The following ARFGEF3 variants were observed in gnomAD, a reference collection of about 807,000 sequenced individuals.
ARFGEF3 encodes the protein brefeldin A-inhibited guanine nucleotide-exchange protein 3.
ARFGEF3 carries 96 observed loss-of-function variants against 221.7 expected under a neutral mutation model. The ratio of observed to expected loss-of-function variants is 0.43; its 90% CI spans 0.37 to 0.51. ARFGEF3 has a LOEUF of 0.51. Among genes scored for constraint, ARFGEF3 ranks in the 20% least tolerant of loss-of-function variants. The pLI is 0.00. For missense variants in ARFGEF3, 2,410 were observed against 2,789.9 expected (o/e 0.86, Z 3.07); for synonymous variants, 1,145 against 1,126.8 (o/e 1.02, Z -0.32).
intron 12 of ARFGEF3, among the ~76,000 whole-genome samples, chr6:138,265,792 G>T (rs1209566471): frequency 6.6e-6 from 1 of 152,052 alleles, no homozygotes; most frequent in African/African-American, 2.4e-5. Context: ...TTGTACTTCG[G>T]TCTCTCTCTC....
rs560912931 is a variant in ARFGEF3 at position 138,254,127 on chromosome 6, G to A, written c.770+143G>A. 61 of 579,228 alleles carry A rather than the reference G, an allele frequency of 1.1e-4. 1 individual carries two copies. Among genetic ancestry groups the A allele is most frequent in the South Asian group, 5.1e-5 (2 of 38,958 alleles). The allele number at this position is 579,228 out of a possible 1,614,324, so 35.9% of individuals were successfully genotyped here. ...GTAAATGTCTTAGAGGGAAAGCAGG[G>A]AAATTGTGGCCAGGTGCAGTTGTTC... On this transcript the variant is annotated intron_variant, in intron 9 of 33. Coordinates refer to ENST00000251691, the MANE Select transcript of ARFGEF3 (RefSeq NM_020340.5).
At chr6:138,194,251 GA>G (rs1453665536) in intron 2 of ARFGEF3, among the ~76,000 whole-genome samples, 8 of 146,668 alleles carry the variant, frequency 5.5e-5, no homozygotes, top group African/African-American at 2.0e-4. Context: ...CTGGGTGACA[GA>G]GCAAGACTCC....
At chr6:138,236,081 T>A (rs569759835) in intron 5 of ARFGEF3, among the ~76,000 whole-genome samples, 1 of 152,324 alleles carries the variant, frequency 6.6e-6, no homozygotes, top group Admixed American at 6.5e-5. Flanking sequence ...TTATATAAAA[T>A]CCAGTTCCTC....
intron 28 of ARFGEF3, among the ~76,000 whole-genome samples, chr6:138,320,662 T>G (rs1780006939): frequency 6.6e-6 from 1 of 152,212 alleles, no homozygotes; most frequent in African/African-American, 2.4e-5. Context: ...AAAGAAACTG[T>G]GTCTCTATTA....
At chr6:138,324,296 A>AC (rs1780091268) in intron 31 of ARFGEF3, 142 bp downstream of exon 31, 1 of 939,840 alleles carries the variant, frequency 1.1e-6, no homozygotes, top group African/African-American at 1.7e-5. Flanking sequence ...TCTTGCCACT[A>AC]CCATTCTTTG....
chr6:138,217,937 T>G (rs928026651), intron 4 of ARFGEF3: 3 of 1,539,988 alleles, frequency 1.9e-6, no homozygotes, highest in South Asian at 2.6e-5. Flanking sequence ...CAGAATTGCC[T>G]TTTCAACCAT....
chr6:138,309,422 T>C lies in ARFGEF3; in HGVS notation c.4096+561T>C, dbSNP rs139371372. On this transcript the variant is annotated intron_variant, in intron 24 of 33. Coordinates refer to ENST00000251691, the MANE Select transcript of ARFGEF3 (RefSeq NM_020340.5). ...AGGCTTTCAAGAAGGGGGACTTCTA[T>C]ACTTAGAAAATATATTTTATAATTA... Among the ~76,000 whole-genome samples, 78 of 152,330 alleles carry C rather than the reference T, an allele frequency of 5.1e-4. 1 individual carries two copies. Among genetic ancestry groups the C allele is most frequent in the African/African-American group, 1.8e-3 (76 of 41,574 alleles).
Position 138,263,263 on chromosome 6 carries a change from A to G in ARFGEF3, c.1780A>G (p.Ser594Gly), listed in dbSNP as rs768441417. ...TRSYGSRYSE[S>G]NFSVDDQDLS... ...GTCCTATGGATCTAGGTATAGTGAG[A>G]GCAATTTTAGCGTTGATGACCAAGA... Residue 594 changes from serine (S) to glycine (G), a missense_variant, in exon 12 of 34, where the codon AGC becomes GGC. Ser to Gly is a moderately conservative substitution (Grantham distance 56). Around this residue, in one of 5 missense-constraint regions of ARFGEF3, gnomAD observed 594 missense variants for 734.3 expected, o/e 0.81. Coordinates refer to ENST00000251691, the MANE Select transcript of ARFGEF3 (RefSeq NM_020340.5). 1.2e-6 allele frequency: 2 copies of G among 1,613,992 alleles called. No homozygotes were observed. Among genetic ancestry groups the G allele is most frequent in the Non-Finnish European group, 8.5e-7 (1 of 1,179,890 alleles).
rs773240161 is a variant in ARFGEF3 at position 138,262,922 on chromosome 6, G to T, written c.1439G>T (p.Arg480Leu). ...ATGGAGATCAATGAGGCTGACTTCCGCTGGCAGCGGCGAGTGCTGTCCTCA... is the reference window on the plus strand; with the variant it reads ...ATGGAGATCAATGAGGCTGACTTCCTCTGGCAGCGGCGAGTGCTGTCCTCA... ...DSMEINEADF[R>L]WQRRVLSSEH... The change falls in exon 12 of 34, where the codon CGC (arginine) becomes CTC (leucine). Residue 480 changes from arginine to leucine, a missense_variant. By Grantham distance (102) the Arg-to-Leu change is moderately radical. Around this residue, in one of 5 missense-constraint regions of ARFGEF3, gnomAD observed 594 missense variants for 734.3 expected, o/e 0.81. Coordinates refer to ENST00000251691, the MANE Select transcript of ARFGEF3 (RefSeq NM_020340.5). 3 of 1,607,696 alleles carry T rather than the reference G, an allele frequency of 1.9e-6. No individual in the cohort carries two copies. Among genetic ancestry groups the T allele is most frequent in the South Asian group, 1.1e-5 (1 of 90,276 alleles).
Position 138,263,328 on chromosome 6 carries a change from T to C in ARFGEF3, c.1845T>C (p.Ser615=). The C allele has an allele frequency of 6.2e-7, 1 of 1,613,992 alleles. No homozygotes were observed. The highest frequency in any genetic ancestry group is 8.5e-7 in the Non-Finnish European group (1 of 1,179,896). The change falls in exon 12 of 34, where the codon TCT becomes TCC. Residue 615 remains serine, a synonymous_variant. Transcript: ENST00000251691. Reference sequence around the variant, plus strand: ...AGTTTGATTCCTGTGATCAGTACTCTATGGCAGCAGAAAAGGACTCGGGCA... The same window carrying C: ...AGTTTGATTCCTGTGATCAGTACTCCATGGCAGCAGAAAAGGACTCGGGCA... The part of the protein sequence containing the change: ...RTEFDSCDQY[S]MAAEKDSGRS...
intron 4 of ARFGEF3, among the ~76,000 whole-genome samples, chr6:138,214,749 T>C (rs1338501394): frequency 3.3e-5 from 5 of 152,272 alleles, no homozygotes; most frequent in East Asian, 1.9e-4. Context: ...ATTCCAAGGA[T>C]AGTATTCTCA....
chr6:138,195,272 A>G lies in ARFGEF3; in HGVS notation c.138-11770A>G, dbSNP rs1326216196. ...GCCCTCCTCGGCCTCCCAAAGTGCC[A>G]GGATTACAGGTGTGAGCCACCGCAC... On this transcript the variant is annotated intron_variant, in intron 2 of 33. Transcript: ENST00000251691. Among the ~76,000 whole-genome samples the G allele has an allele frequency of 1.1e-4, 16 of 152,144 alleles. No individual in the cohort carries two copies. The East Asian group carries it at 3.1e-3, about 29-fold the overall frequency.
chr6:138,215,042 T>C (rs144189895), intron 4 of ARFGEF3, among the ~76,000 whole-genome samples: 14 of 152,370 alleles, frequency 9.2e-5, no homozygotes, highest in African/African-American at 3.4e-4. Flanking sequence ...CTATTGAATA[T>C]TTAGGTTAAA....
chr6:138,216,002 G>A (rs942931647), intron 4 of ARFGEF3: 4 of 151,274 alleles, frequency 2.6e-5, no homozygotes, highest in African/African-American at 9.7e-5. Flanking sequence ...GGGTGGGGGG[G>A]AGTTTTACTC....
Position 138,324,155 on chromosome 6 carries a change from G to A in ARFGEF3, c.5001+1G>A. ...GCGCATCCGAGCCATGGCCCAGCAG[G>A]TAAGGGCAGGGGCTTTTGATCTCAG... On this transcript the variant is annotated splice_donor_variant, in intron 31 of 33. Coordinates refer to ENST00000251691, the MANE Select transcript of ARFGEF3 (RefSeq NM_020340.5). LOFTEE classifies it high-confidence loss of function. 1 of 1,612,722 alleles carries A rather than the reference G, an allele frequency of 6.2e-7. No homozygotes were observed. Among genetic ancestry groups the A allele is most frequent in the South Asian group, 1.1e-5 (1 of 90,960 alleles).
At chr6:138,237,278 T>A (rs1307433526) in intron 5 of ARFGEF3, among the ~76,000 whole-genome samples, 1 of 152,152 alleles carries the variant, frequency 6.6e-6, no homozygotes, top group Admixed American at 6.5e-5. Flanking sequence ...AATCCTGGAT[T>A]TTCATTGTAG....
chr6:138,236,218 C>G (rs1160733562), intron 5 of ARFGEF3, among the ~76,000 whole-genome samples: 6 of 152,170 alleles, frequency 3.9e-5, no homozygotes, highest in South Asian at 4.1e-4. Context: ...CTCAAAATAG[C>G]TCCTCTTTCA....
intron 7 of ARFGEF3, among the ~76,000 whole-genome samples, chr6:138,244,407 C>T (rs1189881252): frequency 6.6e-6 from 1 of 152,192 alleles, no homozygotes; most frequent in Non-Finnish European, 1.5e-5. Flanking sequence ...CAAATGCTTC[C>T]ACTTACTATT....
intron 10 of ARFGEF3, among the ~76,000 whole-genome samples, chr6:138,260,864 G>T (rs1778779245): frequency 6.6e-6 from 1 of 151,864 alleles, no homozygotes; most frequent in Non-Finnish European, 1.5e-5. Flanking sequence ...AATAAAAGAG[G>T]GTATTAAGGC....
Sources: gnomAD v4.1 joint callset for allele counts (sites outside exome capture counted in the v4.1 genomes callset) on GRCh38, gnomAD v4.1.1 for gene constraint, gnomAD v4.1.1 regional missense constraint, MANE v1.5 for transcripts, NCBI Gene and HGNC (gene_info 2026-07-23, HGNC 2026-07-21) for gene names.